Variants in NCOA6 observed in about 807,000 individuals in gnomAD.
The protein encoded by NCOA6 is nuclear receptor coactivator 6, also known as NRC RAP250.
Under a neutral mutation model 171.4 loss-of-function variants are expected in NCOA6, and 49 were observed. The ratio of observed to expected loss-of-function variants is 0.29; its 90% CI spans 0.23 to 0.36. NCOA6 has a LOEUF of 0.36. Among genes scored for constraint, NCOA6 ranks in the 10% least tolerant of loss-of-function variants. The pLI, the probability that NCOA6 is intolerant of heterozygous loss-of-function variation, is 1.00. For missense variants in NCOA6, 2,248 were observed against 2,554.5 expected (o/e 0.88, Z 2.59); for synonymous variants, 910 against 927.5 (o/e 0.98, Z 0.34).
intron 6 of NCOA6, among the ~76,000 whole-genome samples, 179 bp downstream of exon 6, chr20:34,758,626 G>A (rs573271756): frequency 1.3e-5 from 2 of 152,292 alleles, no homozygotes; most frequent in African/African-American, 4.8e-5. Context: ...AGAAAACAAT[G>A]AGAAATTCTG....
chr20:34,747,801 A>G (rs896043054), intron 9 of NCOA6, among the ~76,000 whole-genome samples: 6 of 152,220 alleles, frequency 3.9e-5, no homozygotes, highest in African/African-American at 9.6e-5. Flanking sequence ...ATCCAGACCT[A>G]TAACAATTTG....
At position 34,753,676 on chromosome 20, in the gene NCOA6, T is replaced by TA. The variant is rs1351774486; in HGVS notation, c.1675+1045dup. 1.4e-3 allele frequency among the ~76,000 whole-genome samples: 207 copies of TA among 145,612 alleles called. 1 individual carries two copies. The highest frequency in any genetic ancestry group is 4.6e-3 in the African/African-American group (181 of 39,780). ...CTCCGTCTCAAAAAACAAAACAAAATAAAAAAAAAACAAACATGAATTCAT... is the reference window on the plus strand; with the variant it reads ...CTCCGTCTCAAAAAACAAAACAAAATAAAAAAAAAAACAAACATGAATTCAT... On this transcript the variant is annotated intron_variant, in intron 8 of 14. Transcript: ENST00000359003.
intron 14 of NCOA6, among the ~76,000 whole-genome samples, chr20:34,724,528 G>A (rs1190425719): frequency 6.6e-6 from 1 of 152,140 alleles, no homozygotes; most frequent in Non-Finnish European, 1.5e-5. Flanking sequence ...ACTCAGCCAG[G>A]ATCCCAGCTC....
At chr20:34,763,889 T>A (rs1361367902) in intron 5 of NCOA6, among the ~76,000 whole-genome samples, 3 of 152,216 alleles carry the variant, frequency 2.0e-5, no homozygotes, top group Non-Finnish European at 4.4e-5. Flanking sequence ...GAATTCTAAC[T>A]TGCTTCTTCC....
intron 2 of NCOA6, among the ~76,000 whole-genome samples, chr20:34,791,501 G>A (rs928477516): frequency 1.3e-5 from 2 of 152,092 alleles, no homozygotes; most frequent in Non-Finnish European, 2.9e-5. Context: ...TGGGAGTGAA[G>A]GACTGGTCGT....
At chr20:34,730,405 G>A (rs951547216) in intron 13 of NCOA6, among the ~76,000 whole-genome samples, 5 of 151,998 alleles carry the variant, frequency 3.3e-5, no homozygotes, top group African/African-American at 1.2e-4. Context: ...CCTAATGAAA[G>A]TGCCTCTTTC....
intron 2 of NCOA6, among the ~76,000 whole-genome samples, chr20:34,784,030 C>T (rs557879552): frequency 6.6e-6 from 1 of 151,828 alleles, no homozygotes. Context: ...ACTATAATTA[C>T]AAGTTTCTTA....
intron 5 of NCOA6, among the ~76,000 whole-genome samples, chr20:34,767,300 T>G (rs1005009487): frequency 6.6e-5 from 10 of 152,128 alleles, no homozygotes; most frequent in Non-Finnish European, 1.2e-4. Flanking sequence ...AATAGCATTT[T>G]TTTTGTTTTG....
intron 1 of NCOA6, among the ~76,000 whole-genome samples, chr20:34,813,637 T>A (rs1399780677): frequency 3.9e-5 from 6 of 152,150 alleles, no homozygotes; most frequent in Admixed American, 3.9e-4. Flanking sequence ...AGGCATAGTA[T>A]CATGATATCT....
intron 1 of NCOA6, among the ~76,000 whole-genome samples, chr20:34,824,337 G>C (rs1266603576): frequency 6.6e-6 from 1 of 152,210 alleles, no homozygotes; most frequent in Non-Finnish European, 1.5e-5. Context: ...TAACTTGTAA[G>C]ATCTTGAAAA....
At chr20:34,798,135 C>T (rs1294018347) in intron 1 of NCOA6, among the ~76,000 whole-genome samples, 1 of 152,216 alleles carries the variant, frequency 6.6e-6, no homozygotes, top group Non-Finnish European at 1.5e-5. Flanking sequence ...CACAACCTAA[C>T]TCAAGAGCCT....
intron 14 of NCOA6, among the ~76,000 whole-genome samples, chr20:34,726,652 G>A (rs370702555): frequency 1.3e-5 from 2 of 152,112 alleles, no homozygotes; most frequent in East Asian, 3.9e-4. Flanking sequence ...AGGTGAGGTG[G>A]CACGCACCTG....
At chr20:34,729,401 G>C (rs1172417644) in intron 13 of NCOA6, among the ~76,000 whole-genome samples, 1 of 152,152 alleles carries the variant, frequency 6.6e-6, no homozygotes, top group African/African-American at 2.4e-5. Flanking sequence ...GTAATTCTCT[G>C]ATCTGAATTT....
rs180748805 is a variant in NCOA6 at position 34,745,654 on chromosome 20, A to G, written c.2914+1153T>C. The stretch of plus-strand genomic sequence containing the variant: ...ATGTCGCTCTCATTTTCATGCCAAA[A>G]AGAAGTTGAAATAACTAGTGAGGAA... On this transcript the variant is annotated intron_variant, in intron 10 of 14. Transcript: ENST00000359003. Among the ~76,000 whole-genome samples the G allele has an allele frequency of 6.8e-4, 104 of 152,340 alleles. 2 individuals are homozygous for G. Among genetic ancestry groups the G allele is most frequent in the African/African-American group, 2.2e-3 (92 of 41,576 alleles).
Position 34,740,965 on chromosome 20 carries a change from T to C in NCOA6, c.5291A>G (p.Lys1764Arg). The change falls in exon 11 of 15, where the codon AAA becomes AGA. Residue 1764 changes from lysine to arginine, a missense_variant. Lys to Arg is a conservative substitution (Grantham distance 26). Transcript: ENST00000359003. The stretch of plus-strand genomic sequence containing the variant: ...GCTAGCCTCATCTGGATTCAATTCT[T>C]TCACTTGCTGCACAGGGGGATGAGA... ...VPSHPPVQQV[K>R]ELNPDEASPQ... 1.9e-6 allele frequency: 3 copies of C among 1,614,190 alleles called. No homozygotes were observed. The highest frequency in any genetic ancestry group is 2.5e-6 in the Non-Finnish European group (3 of 1,180,030).
At chr20:34,815,405 AG>A in intron 1 of NCOA6, among the ~76,000 whole-genome samples, 1 of 152,114 alleles carries the variant, frequency 6.6e-6, no homozygotes, top group Non-Finnish European at 1.5e-5. Flanking sequence ...AAAAATAAAA[AG>A]ACACAGAAAA....
At chr20:34,795,239 A>C (rs1402703892) in intron 1 of NCOA6, among the ~76,000 whole-genome samples, 1 of 152,228 alleles carries the variant, frequency 6.6e-6, no homozygotes, top group Non-Finnish European at 1.5e-5. Flanking sequence ...ACAGTGCCAA[A>C]GGATCATTCC....
At chr20:34,720,696 C>T (rs1989210371) in intron 14 of NCOA6, among the ~76,000 whole-genome samples, 1 of 152,188 alleles carries the variant, frequency 6.6e-6, no homozygotes, top group Non-Finnish European at 1.5e-5. Flanking sequence ...CAAAACTTTA[C>T]ACAGTGCTGA....
In NCOA6 at chr20:34,782,499, TAAG is replaced by T. The variant is rs546924187; in HGVS notation, c.-49-98_-49-96del. The T allele has an allele frequency of 6.8e-4, 224 of 330,310 alleles. 1 individual carries two copies. The highest frequency in any genetic ancestry group is 1.1e-3 in the Non-Finnish European group (200 of 186,990). 20.5% of individuals were successfully genotyped at this position (330,310 alleles called of 1,614,324 possible). On this transcript the variant is annotated intron_variant, in intron 2 of 14. Coordinates refer to ENST00000359003, the MANE Select transcript of NCOA6 (RefSeq NM_014071.5). ...TCTATGAAAATTATAATTTATTTAA[TAAG>T]AAAATACTATAAAAATTAAGAAATT...
Sources: allele counts gnomAD v4.1 joint callset (sites outside exome capture counted in the v4.1 genomes callset), GRCh38; gene constraint gnomAD v4.1.1; transcripts MANE v1.5; gene names NCBI Gene and HGNC (gene_info 2026-07-23, HGNC 2026-07-21).